PPFIA2: variants seen among roughly 807,000 people sequenced by gnomAD.
PPFIA2 encodes PPFI scaffold protein A2.
In PPFIA2, 46 loss-of-function variants were observed where a neutral mutation model predicts 175.5. The observed-to-expected ratio is 0.26, with a 90% CI of 0.21 to 0.34. PPFIA2 has a LOEUF of 0.34. PPFIA2 is among the 10% of genes least tolerant of loss of function. PPFIA2 has a pLI of 1.00. For synonymous variants in PPFIA2, 568 were observed against 511.4 expected, an observed-to-expected ratio of 1.11 and a Z score of -1.49; for missense variants, 1,179 against 1,506.1, an observed-to-expected ratio of 0.78 and a Z score of 3.60.
intron 4 of PPFIA2, among the ~76,000 whole-genome samples, chr12:81,563,445 G>A (rs1416779615): frequency 1.3e-5 from 2 of 152,176 alleles, no homozygotes; most frequent in African/African-American, 4.8e-5. Context: ...GGAAAAGCTT[G>A]TGGAACTTGC....
chr12:81,471,545 T>C (rs1024453817), intron 4 of PPFIA2, among the ~76,000 whole-genome samples: 9 of 151,950 alleles, frequency 5.9e-5, no homozygotes, highest in South Asian at 2.1e-4. Flanking sequence ...CATTCATCTA[T>C]TGATGGACAT....
chr12:81,586,794 T>C (rs2075361461), intron 4 of PPFIA2, among the ~76,000 whole-genome samples: 1 of 151,908 alleles, frequency 6.6e-6, no homozygotes, highest in South Asian at 2.1e-4. Flanking sequence ...ATACTTAAAG[T>C]AGTGCCTGTG....
At chr12:81,536,725 C>A in intron 4 of PPFIA2, among the ~76,000 whole-genome samples, 1 of 126,686 alleles carries the variant, frequency 7.9e-6, no homozygotes, top group East Asian at 2.3e-4. Flanking sequence ...TACATATATA[C>A]ACAAATATAT....
intron 4 of PPFIA2, among the ~76,000 whole-genome samples, chr12:81,513,510 T>A (rs1427267962): frequency 6.6e-6 from 1 of 151,972 alleles, no homozygotes; most frequent in East Asian, 1.9e-4. Flanking sequence ...TAAGTTCCCA[T>A]CAACCCAGTG....
chr12:81,729,200 T>C (rs1443395720), intron 3 of PPFIA2, among the ~76,000 whole-genome samples: 1 of 151,540 alleles, frequency 6.6e-6, no homozygotes, highest in East Asian at 1.9e-4. Flanking sequence ...ATCTACATTT[T>C]TAGAATGACT....
chr12:81,351,499 A>G (rs1421532435), intron 17 of PPFIA2, among the ~76,000 whole-genome samples: 1 of 152,052 alleles, frequency 6.6e-6, no homozygotes, highest in Non-Finnish European at 1.5e-5. Flanking sequence ...AATCATAAAA[A>G]ACTCTATAAG....
chr12:81,732,524 A>C (rs2081049890), intron 3 of PPFIA2, among the ~76,000 whole-genome samples: 1 of 150,882 alleles, frequency 6.6e-6, no homozygotes, highest in East Asian at 2.0e-4. Context: ...AAAAAAAAAA[A>C]AAAAACACTC....
chr12:81,643,306 C>A (rs898813205), intron 4 of PPFIA2, among the ~76,000 whole-genome samples: 1 of 151,578 alleles, frequency 6.6e-6, no homozygotes, highest in African/African-American at 2.4e-5. Context: ...AAATAAACAC[C>A]AAAGACCCCT....
At chr12:81,620,051 T>C (rs1017678469) in intron 4 of PPFIA2, among the ~76,000 whole-genome samples, 5 of 149,868 alleles carry the variant, frequency 3.3e-5, no homozygotes, top group African/African-American at 1.2e-4. Context: ...TCCCAGCTAC[T>C]TGGGAGGCTG....
Position 81,259,388 on chromosome 12 carries a change from G to A in PPFIA2, c.*306C>T. 1.6e-6 allele frequency: 1 copy of A among 630,054 alleles called. No individual in the cohort carries two copies. Among genetic ancestry groups the A allele is most frequent in the Non-Finnish European group, 2.9e-6 (1 of 345,022 alleles). The allele number at this position is 630,054 out of a possible 1,614,324, so 39.0% of individuals were successfully genotyped here. ...TGCCTAGTATATTACAATAAAACAT[G>A]AAAAACAACTGGCTTCATTTCATAA... On this transcript the variant is annotated 3_prime_UTR_variant, in exon 33 of 33. Transcript: ENST00000549396.
At chr12:81,675,416 C>G (rs2072315256) in intron 4 of PPFIA2, 1 of 151,938 alleles carries the variant, frequency 6.6e-6, no homozygotes, top group Non-Finnish European at 1.5e-5. Flanking sequence ...TAGAAACATG[C>G]TTTCTTAGAG....
rs770922661 is a variant in PPFIA2 at position 81,367,189 on chromosome 12, C to A, written c.1483-19G>T. ...AAACATTCTAAAGAAAAGAAAATAG[C>A]AGAAATAATTAATAAATTAAACATA... is the stretch of plus-strand genomic sequence containing the variant. On this transcript the variant is annotated intron_variant, in intron 13 of 32. Transcript: ENST00000549396. 9 of 1,310,312 alleles carry A rather than the reference C, an allele frequency of 6.9e-6. 1 individual carries two copies. The South Asian group carries it at 1.5e-4, about 21-fold the overall frequency. 81.2% of individuals were successfully genotyped at this position (1,310,312 alleles called of 1,614,324 possible).
intron 4 of PPFIA2, among the ~76,000 whole-genome samples, chr12:81,465,885 T>C (rs1252666345): frequency 6.6e-6 from 1 of 152,198 alleles, no homozygotes; most frequent in Non-Finnish European, 1.5e-5. Flanking sequence ...AAGAAAGGCA[T>C]ATAGAAATTA....
Position 81,747,570 on chromosome 12 carries a change from C to T in PPFIA2, c.249+6403G>A, listed in dbSNP as rs2083228994. ...ATGATAATATCAGCAACAATAGCTA[C>T]ATTTAACATTTATTGAGCATGTACT... On this transcript the variant is annotated intron_variant, in intron 3 of 32. Transcript: ENST00000549396. Among the ~76,000 whole-genome samples the T allele has an allele frequency of 1.4e-5, 2 of 143,776 alleles. 1 individual carries two copies. The highest frequency in any genetic ancestry group is 3.1e-5 in the Non-Finnish European group (2 of 64,158). The allele number at this position is 143,776 out of a possible 152,430, so 94.3% of individuals were successfully genotyped here.
At chr12:81,681,964 T>G (rs2073721152) in intron 3 of PPFIA2, among the ~76,000 whole-genome samples, 1 of 152,098 alleles carries the variant, frequency 6.6e-6, no homozygotes, top group Non-Finnish European at 1.5e-5. Context: ...TATCAGGTTT[T>G]AAGCTTTCAC....
chr12:81,454,083 G>A (rs1365398276), intron 5 of PPFIA2, among the ~76,000 whole-genome samples: 5 of 152,114 alleles, frequency 3.3e-5, no homozygotes, highest in Non-Finnish European at 7.4e-5. Context: ...GCTGGGTATG[G>A]TGGCATGTGG....
intron 4 of PPFIA2, among the ~76,000 whole-genome samples, chr12:81,507,856 T>A (rs925325417): frequency 1.3e-5 from 2 of 152,228 alleles, no homozygotes; most frequent in Non-Finnish European, 2.9e-5. Context: ...ACCTGTCCAA[T>A]GTCACATAGA....
chr12:81,293,307 GC>G (rs1177414046), intron 24 of PPFIA2, among the ~76,000 whole-genome samples: 1 of 151,920 alleles, frequency 6.6e-6, no homozygotes, highest in Non-Finnish European at 1.5e-5. Flanking sequence ...CGTCATGCAT[GC>G]CTTTTTTGTC....
At chr12:81,503,434 G>A (rs2060806216) in intron 4 of PPFIA2, among the ~76,000 whole-genome samples, 1 of 151,928 alleles carries the variant, frequency 6.6e-6, no homozygotes, top group Non-Finnish European at 1.5e-5. Flanking sequence ...ATAAGACCAA[G>A]TGGTTTAGCA....
Sources: gnomAD v4.1 joint callset for allele counts (sites outside exome capture counted in the v4.1 genomes callset) on GRCh38, gnomAD v4.1.1 for gene constraint, MANE v1.5 for transcripts, NCBI Gene and HGNC (gene_info 2026-07-23, HGNC 2026-07-21) for gene names.